The following CERS3 variants were observed in gnomAD, a reference collection of about 807,000 sequenced individuals.
The protein encoded by CERS3 is ceramide synthase 3.
A neutral mutation model predicts 50.3 loss-of-function variants in CERS3; 33 were observed. The observed-to-expected ratio is 0.66, with a 90% confidence interval of 0.50 to 0.88. The LOEUF (loss-of-function observed/expected upper bound fraction) is 0.88, where lower values mean the gene tolerates loss of function less well. CERS3 is among the 40% of genes least tolerant of loss of function. CERS3 has a pLI of 0.00. For synonymous variants in CERS3, 176 were observed against 155.2 expected (o/e 1.13, Z -0.99); for missense variants, 470 against 460.3 (o/e 1.02, Z -0.19).
chr15:100,534,310 A>C (rs902085795), intron 1 of CERS3, among the ~76,000 whole-genome samples: 1 of 152,152 alleles, frequency 6.6e-6, no homozygotes, highest in East Asian at 1.9e-4. Flanking sequence ...TTAACCTCTC[A>C]GTCCTCAGGT....
chr15:100,419,655 A>G (rs1242079684), intron 11 of CERS3, among the ~76,000 whole-genome samples: 1 of 151,618 alleles, frequency 6.6e-6, no homozygotes, highest in African/African-American at 2.4e-5. Flanking sequence ...CACCACACCT[A>G]TTCCAAAATT....
At chr15:100,537,870 G>A (rs1596833411) in intron 1 of CERS3, among the ~76,000 whole-genome samples, 2 of 152,206 alleles carry the variant, frequency 1.3e-5, no homozygotes, top group African/African-American at 4.8e-5. Context: ...CAAGTCCAAA[G>A]TTTCATCTGA....
At chr15:100,508,691 C>T (rs1481009677) in intron 2 of CERS3, among the ~76,000 whole-genome samples, 1 of 152,154 alleles carries the variant, frequency 6.6e-6, no homozygotes, top group African/African-American at 2.4e-5. Context: ...TCATTTGACC[C>T]AATTCTAGCA....
intron 11 of CERS3, among the ~76,000 whole-genome samples, chr15:100,432,667 AAG>A (rs1214957765): frequency 1.3e-5 from 2 of 152,222 alleles, no homozygotes; most frequent in African/African-American, 4.8e-5. Context: ...AAAATAGAAC[AAG>A]AGAGTGATGA....
intron 11 of CERS3, among the ~76,000 whole-genome samples, chr15:100,444,838 G>C (rs916653420): frequency 6.6e-6 from 1 of 152,080 alleles, no homozygotes; most frequent in Admixed American, 6.6e-5. Context: ...AGGCCACCAT[G>C]GTCATTTCTT....
At chr15:100,409,706 T>G (rs77164577) in intron 11 of CERS3, among the ~76,000 whole-genome samples, 2,492 of 152,296 alleles carry the variant, frequency 0.016, 31 homozygotes, top group Admixed American at 0.027. Context: ...CCTCTTATTG[T>G]GTTGCCCTTC....
At chr15:100,435,789 C>T (rs2654600) in intron 11 of CERS3, among the ~76,000 whole-genome samples, 61,438 of 151,992 alleles carry the variant, frequency 0.4, 12,741 homozygotes, top group East Asian at 0.54. Flanking sequence ...AAAAAACAAA[C>T]AACCCCATCA....
In CERS3 at chr15:100,402,698, C is replaced by T; in HGVS notation, c.*15G>A. Reference sequence around the variant, plus strand: ...TTGCAGCATGCTGTGCCATGGGAGTCCTGTAGGCTTCCAGCTAATGGCCAT... The same window carrying T: ...TTGCAGCATGCTGTGCCATGGGAGTTCTGTAGGCTTCCAGCTAATGGCCAT... On this transcript the variant is annotated 3_prime_UTR_variant, in exon 12 of 12. Coordinates refer to ENST00000679737, the MANE Select transcript of CERS3 (RefSeq NM_001378789.1). The T allele has an allele frequency of 6.2e-7, 1 of 1,612,878 alleles. No homozygotes were observed. Among genetic ancestry groups the T allele is most frequent in the Non-Finnish European group, 8.5e-7 (1 of 1,179,622 alleles).
chr15:100,526,940 C>T (rs779385307), intron 1 of CERS3, among the ~76,000 whole-genome samples: 4 of 152,102 alleles, frequency 2.6e-5, no homozygotes, highest in African/African-American at 7.2e-5. Flanking sequence ...TTATAATAAA[C>T]AACCTCGTTT....
At chr15:100,507,880 G>A (rs928606116) in intron 2 of CERS3, among the ~76,000 whole-genome samples, 4 of 152,258 alleles carry the variant, frequency 2.6e-5, no homozygotes, top group African/African-American at 7.2e-5. Flanking sequence ...CGGTCTCTCA[G>A]CTTCTTGGCT....
chr15:100,421,529 A>G (rs1320233656), intron 11 of CERS3, among the ~76,000 whole-genome samples: 1 of 151,414 alleles, frequency 6.6e-6, no homozygotes, highest in Non-Finnish European at 1.5e-5. Flanking sequence ...TATAGATTCA[A>G]TGCCATCCCC....
rs531054047 is a variant in CERS3, at chr15:100,441,432, C to T, written c.999+14461G>A. On this transcript the variant is annotated intron_variant, in intron 11 of 11. Coordinates refer to ENST00000679737, the MANE Select transcript of CERS3 (RefSeq NM_001378789.1). ...TGTGCCCCAACCCCTTACTTCCACG[C>T]CCCAACCCCTTTCTCGCTTTTCTGG... Among the ~76,000 whole-genome samples the T allele has an allele frequency of 2.0e-5, 3 of 151,862 alleles. No individual in the cohort carries two copies. The South Asian group carries it at 6.2e-4, about 32-fold the overall frequency.
chr15:100,465,418 A>T (rs966731224), intron 10 of CERS3, among the ~76,000 whole-genome samples: 3 of 152,206 alleles, frequency 2.0e-5, no homozygotes, highest in African/African-American at 7.2e-5. Flanking sequence ...GACTCCATGA[A>T]GATGATTGTG....
At chr15:100,497,299 T>C (rs1408357255) in intron 3 of CERS3, among the ~76,000 whole-genome samples, 2 of 142,432 alleles carry the variant, frequency 1.4e-5, no homozygotes, top group Non-Finnish European at 3.1e-5. Flanking sequence ...AGAGAGAGCA[T>C]ATATGTATGT....
At chr15:100,500,999 A>C (rs57070965) in intron 3 of CERS3, among the ~76,000 whole-genome samples, 28,376 of 152,140 alleles carry the variant, frequency 0.19, 3,475 homozygotes, top group African/African-American at 0.35. Context: ...TAGAGTCAAC[A>C]ACAGAGATTA....
At chr15:100,544,237 C>G (rs55719509) in intron 1 of CERS3, 3,342 of 152,326 alleles carry the variant, frequency 0.022, 114 homozygotes, top group African/African-American at 0.076. Flanking sequence ...TGGGCACTGT[C>G]GCCCTGGAGC....
intron 11 of CERS3, among the ~76,000 whole-genome samples, chr15:100,427,050 C>T (rs569214145): frequency 1.7e-4 from 26 of 152,300 alleles, no homozygotes; most frequent in Non-Finnish European, 2.6e-4. Flanking sequence ...TGAGCTGACA[C>T]GGGTTGGCAA....
chr15:100,414,384 C>T (rs1197164832), intron 11 of CERS3, among the ~76,000 whole-genome samples: 1 of 152,106 alleles, frequency 6.6e-6, no homozygotes, highest in Non-Finnish European at 1.5e-5. Flanking sequence ...ATGCTATTCC[C>T]ATTAAACTAC....
intron 11 of CERS3, among the ~76,000 whole-genome samples, chr15:100,448,403 A>G (rs1279507388): frequency 3.3e-5 from 5 of 152,228 alleles, no homozygotes; most frequent in African/African-American, 7.2e-5. Context: ...ATGTGGGAAA[A>G]GGGTAAGTAA....
Sources: allele counts gnomAD v4.1 joint callset (sites outside exome capture counted in the v4.1 genomes callset), GRCh38; gene constraint gnomAD v4.1.1; transcripts MANE v1.5; gene names NCBI Gene and HGNC (gene_info 2026-07-23, HGNC 2026-07-21).